The following TFB1M variants were observed in gnomAD, a reference collection of about 807,000 sequenced individuals.
TFB1M encodes the protein transcription factor B1, mitochondrial.
TFB1M carries 27 observed loss-of-function variants against 31.1 expected under a neutral mutation model. The ratio of observed to expected loss-of-function variants is 0.87; its 90% CI spans 0.64 to 1.20. The LOEUF is 1.20. Among genes scored for constraint, TFB1M ranks in the 50% most tolerant of loss-of-function variants. TFB1M has a pLI of 0.00. For synonymous variants in TFB1M, 166 were observed against 151.8 expected (o/e 1.09, Z -0.69); for missense variants, 394 against 418.7 (o/e 0.94, Z 0.51).
chr6:155,304,007 C>T (rs1413916753), intron 2 of TFB1M, among the ~76,000 whole-genome samples: 1 of 152,112 alleles, frequency 6.6e-6, no homozygotes, highest in East Asian at 1.9e-4. Context: ...ATGGAAATAA[C>T]CAGTGTTTAC....
chr6:155,262,654 T>A (rs1189865541), intron 5 of TFB1M, among the ~76,000 whole-genome samples: 1 of 152,134 alleles, frequency 6.6e-6, no homozygotes, highest in Non-Finnish European at 1.5e-5. Context: ...TGAAATATTA[T>A]CAAAACTCTA....
chr6:155,276,612 A>T (rs1785235680), intron 5 of TFB1M: 1 of 440,070 alleles, frequency 2.3e-6, no homozygotes, highest in African/African-American at 2.0e-5. Context: ...AAAGATTTAT[A>T]ATTGAAAGAG....
chr6:155,266,301 G>A (rs921145123), intron 5 of TFB1M, among the ~76,000 whole-genome samples: 1 of 152,212 alleles, frequency 6.6e-6, no homozygotes, highest in Non-Finnish European at 1.5e-5. Flanking sequence ...CCACTGGGTT[G>A]GGCCTGAGCC....
chr6:155,259,921 C>T (rs772658846), intron 6 of TFB1M, among the ~76,000 whole-genome samples: 7 of 152,200 alleles, frequency 4.6e-5, no homozygotes, highest in African/African-American at 1.7e-4. Flanking sequence ...TCAAGTGTGT[C>T]CTTAAAGAAG....
chr6:155,274,497 T>C (rs1016859507), intron 5 of TFB1M, among the ~76,000 whole-genome samples: 1 of 152,254 alleles, frequency 6.6e-6, no homozygotes, highest in Non-Finnish European at 1.5e-5. Flanking sequence ...CTGGTATGTA[T>C]TTTTGAGATC....
chr6:155,281,787 T>C (rs1383632660), intron 5 of TFB1M, among the ~76,000 whole-genome samples: 1 of 140,576 alleles, frequency 7.1e-6, no homozygotes, highest in Non-Finnish European at 1.5e-5. Context: ...CTTTACGAAC[T>C]ATGTTAGATT....
rs1784085375 is a variant in TFB1M at position 155,256,909 on chromosome 6, T to A, written c.*927A>T. 6.2e-7 allele frequency: 1 copy of A among 1,614,110 alleles called. No homozygotes were observed. The highest frequency in any genetic ancestry group is 8.5e-7 in the Non-Finnish European group (1 of 1,180,056). On this transcript the variant is annotated 3_prime_UTR_variant, in exon 7 of 7. Transcript: ENST00000367166. ...GCAGCCCAAACTGGTCCGGGGGCAC[T>A]TCTGCCCCATTAAACGAAAAGCCAA...
Position 155,256,578 on chromosome 6 carries a change from C to G in TFB1M, c.*1258G>C. 6.2e-7 allele frequency: 1 copy of G among 1,614,190 alleles called. No homozygotes were observed. Among genetic ancestry groups the G allele is most frequent in the Non-Finnish European group, 8.5e-7 (1 of 1,180,038 alleles). On this transcript the variant is annotated 3_prime_UTR_variant, in exon 7 of 7. Transcript: ENST00000367166. ...GAACCTTGCTGGACTCTGACGAGGG[C>G]AGCTTGAGCAGCGGCACCCAGAGCA...
chr6:155,252,407 T>C (rs1336630537), downstream of TFB1M, among the ~76,000 whole-genome samples: 4 of 152,164 alleles, frequency 2.6e-5, no homozygotes, highest in Admixed American at 2.6e-4. Context: ...AGGTGGAAGC[T>C]GCAGTGAGCC....
rs9478635 is a variant in TFB1M, at chr6:155,268,985, T to A, written c.667-8585A>T. Among the ~76,000 whole-genome samples, 66 of 71,314 alleles carry A rather than the reference T, an allele frequency of 9.3e-4. No individual in the cohort carries two copies. The East Asian group carries it at 0.015, about 17-fold the overall frequency. 46.8% of individuals were successfully genotyped at this position (71,314 alleles called of 152,430 possible). A position where few individuals can be genotyped will look rare whatever the true frequency, so the allele number is the denominator to read the frequency against. On this transcript the variant is annotated intron_variant, in intron 5 of 6. Coordinates refer to ENST00000367166, the MANE Select transcript of TFB1M (RefSeq NM_016020.4). Reference sequence around the variant, plus strand: ...AGAAAAAAGAAAAAAAATTAAAAAATTAAAAAAAAAAAAAAGATAAATGAA... The same window carrying A: ...AGAAAAAAGAAAAAAAATTAAAAAAATAAAAAAAAAAAAAAGATAAATGAA...
the TFB1M span, chr6:155,250,456 G>C: frequency 3.4e-6 from 4 of 1,160,590 alleles, no homozygotes; most frequent in Non-Finnish European, 4.8e-6. Flanking sequence ...GCATAGTTTA[G>C]GGAGAAAATG....
At chr6:155,239,937 G>C in the TFB1M span, among the ~76,000 whole-genome samples, 6 of 151,906 alleles carry the variant, frequency 3.9e-5, no homozygotes, top group East Asian at 1.2e-3. Context: ...TCCATTACTA[G>C]CATGTGCACC....
intron 4 of TFB1M, among the ~76,000 whole-genome samples, chr6:155,294,232 G>A (rs950974646): frequency 3.3e-5 from 5 of 152,104 alleles, no homozygotes; most frequent in African/African-American, 1.2e-4. Flanking sequence ...AATGTGAAAG[G>A]TAAACATAAA....
chr6:155,288,432 T>C (rs959384341), intron 4 of TFB1M, among the ~76,000 whole-genome samples: 1 of 152,228 alleles, frequency 6.6e-6, no homozygotes, highest in Admixed American at 6.5e-5. Flanking sequence ...AGAATAAGCT[T>C]ATGGATCAAG....
intron 4 of TFB1M, among the ~76,000 whole-genome samples, chr6:155,290,310 C>T (rs1456225861): frequency 4.1e-5 from 6 of 145,466 alleles, no homozygotes; most frequent in East Asian, 4.2e-4. Context: ...GGCATGAACC[C>T]GGGAGGCGGG....
intron 6 of TFB1M, 44 bp downstream of exon 6, chr6:155,260,229 A>C: frequency 1.2e-6 from 2 of 1,611,414 alleles, no homozygotes; most frequent in Non-Finnish European, 1.7e-6. Flanking sequence ...GTGCCTGAGG[A>C]TTTTATAAAG....
intron 4 of TFB1M, among the ~76,000 whole-genome samples, chr6:155,287,248 G>A (rs1053688836): frequency 2.0e-5 from 3 of 152,102 alleles, no homozygotes; most frequent in Admixed American, 6.6e-5. Context: ...TAGAGCTGAA[G>A]CTGTGTAAAA....
intron 2 of TFB1M, among the ~76,000 whole-genome samples, chr6:155,300,927 C>T (rs1777399528): frequency 6.6e-6 from 1 of 152,090 alleles, no homozygotes; most frequent in Non-Finnish European, 1.5e-5. Context: ...GCCTCAGCTT[C>T]CCTAAGAGCT....
At chr6:155,314,189 C>G in intron 1 of TFB1M, 107 bp downstream of exon 1, 1 of 1,557,858 alleles carries the variant, frequency 6.4e-7, no homozygotes, top group Non-Finnish European at 8.7e-7. Context: ...AAAAGCCCGT[C>G]GCACGCCAGT....
Sources: gnomAD v4.1 joint callset for allele counts (sites outside exome capture counted in the v4.1 genomes callset) on GRCh38, gnomAD v4.1.1 for gene constraint, MANE v1.5 for transcripts, NCBI Gene and HGNC (gene_info 2026-07-23, HGNC 2026-07-21) for gene names.